Variants in DLG2 observed in about 807,000 individuals in gnomAD.
DLG2 encodes disks large homolog 2.
In DLG2, 45 loss-of-function variants were observed where a neutral mutation model predicts 132.5. The ratio of observed to expected loss-of-function variants is 0.34; its 90% CI spans 0.27 to 0.44. The LOEUF (loss-of-function observed/expected upper bound fraction) is 0.44. Ranked by LOEUF, DLG2 falls within the 20% of genes least tolerant of loss-of-function variation. The pLI is 1.00. For synonymous variants in DLG2, 424 were observed against 419.6 expected, an observed-to-expected ratio of 1.01 and a Z score of -0.13; for missense variants, 1,045 against 1,196.9, an observed-to-expected ratio of 0.87 and a Z score of 1.87.
At chr11:84,944,356 A>G (rs375120700) in intron 6 of DLG2, among the ~76,000 whole-genome samples, 21 of 152,196 alleles carry the variant, frequency 1.4e-4, no homozygotes, top group African/African-American at 5.1e-4. Context: ...TTTAAGACCA[A>G]TAACTCTTAG....
intron 18 of DLG2, among the ~76,000 whole-genome samples, chr11:83,785,355 A>G (rs549715488): frequency 9.3e-4 from 142 of 152,272 alleles, no homozygotes; most frequent in African/African-American, 3.2e-3. Flanking sequence ...CACACGGCCT[A>G]TGATGGATAA....
chr11:83,758,397 C>T (rs931767740), intron 18 of DLG2, among the ~76,000 whole-genome samples: 1 of 152,166 alleles, frequency 6.6e-6, no homozygotes, highest in Admixed American at 6.5e-5. Flanking sequence ...TTTAGCTTAC[C>T]AGCCATGTTC....
intron 6 of DLG2, among the ~76,000 whole-genome samples, chr11:84,910,502 T>TAG (rs1200679342): frequency 1.3e-5 from 2 of 152,214 alleles, no homozygotes; most frequent in Non-Finnish European, 2.9e-5. Context: ...TATTACCCAT[T>TAG]ACAGACAGAC....
At chr11:84,752,692 A>T (rs899661458) in intron 6 of DLG2, among the ~76,000 whole-genome samples, 1 of 143,388 alleles carries the variant, frequency 7.0e-6, no homozygotes, top group African/African-American at 2.6e-5. Flanking sequence ...AGCATTAGGT[A>T]TATCTCCCAA....
intron 7 of DLG2, among the ~76,000 whole-genome samples, chr11:84,408,682 C>T (rs1298435935): frequency 1.3e-5 from 2 of 152,184 alleles, no homozygotes; most frequent in Admixed American, 1.3e-4. Flanking sequence ...TGGAAGCAAG[C>T]ACATCTGTGA....
intron 20 of DLG2, among the ~76,000 whole-genome samples, 171 bp from the exon 21 acceptor site, chr11:83,532,954 A>C (rs528695221): frequency 6.6e-4 from 101 of 152,302 alleles, no homozygotes; most frequent in African/African-American, 2.3e-3. Flanking sequence ...AAAGTCTCTA[A>C]GTTTCTAACA....
chr11:83,621,313 C>G (rs1340962235), intron 19 of DLG2, among the ~76,000 whole-genome samples: 1 of 151,762 alleles, frequency 6.6e-6, no homozygotes, highest in African/African-American at 2.4e-5. Context: ...ATTTACAAAT[C>G]TTGCACCCTC....
chr11:85,005,277 G>A (rs2154132555), intron 6 of DLG2, among the ~76,000 whole-genome samples: 1 of 152,270 alleles, frequency 6.6e-6, no homozygotes, highest in Admixed American at 6.5e-5. Context: ...GTCGGTGATA[G>A]CTTGATGGGG....
chr11:84,829,354 A>G (rs916011529), intron 6 of DLG2, among the ~76,000 whole-genome samples: 5 of 151,704 alleles, frequency 3.3e-5, no homozygotes, highest in African/African-American at 1.2e-4. Flanking sequence ...CACAGCCACC[A>G]TAGGGGCTGT....
chr11:85,130,175 T>G (rs2075557084), intron 5 of DLG2, among the ~76,000 whole-genome samples: 1 of 152,220 alleles, frequency 6.6e-6, no homozygotes, highest in Admixed American at 6.5e-5. Context: ...CTACACATTC[T>G]GCACATGTAT....
intron 10 of DLG2, among the ~76,000 whole-genome samples, chr11:84,080,803 C>T (rs1362574380): frequency 6.6e-6 from 1 of 151,916 alleles, no homozygotes; most frequent in Non-Finnish European, 1.5e-5. Flanking sequence ...ACCAGCCTGG[C>T]CAACAAGGTG....
At chr11:85,413,091 TA>T (rs2089493716) in intron 3 of DLG2, among the ~76,000 whole-genome samples, 1 of 151,872 alleles carries the variant, frequency 6.6e-6, no homozygotes, top group African/African-American at 2.4e-5. Flanking sequence ...TTTGATTTTT[TA>T]TTGTGGCCAT....
intron 16 of DLG2, among the ~76,000 whole-genome samples, chr11:83,862,552 T>G (rs78774431): frequency 0.066 from 10,084 of 152,180 alleles, 442 homozygotes; most frequent in Admixed American, 0.11. Context: ...ACAGGTTGAT[T>G]ATGGTAAACA....
At chr11:84,992,099 T>C (rs532470847) in intron 6 of DLG2, among the ~76,000 whole-genome samples, 61 of 152,308 alleles carry the variant, frequency 4.0e-4, no homozygotes, top group African/African-American at 1.1e-3. Flanking sequence ...TCTCCTTCAT[T>C]CATCCCTCCT....
rs138977700 is a variant in DLG2 at position 85,505,307 on chromosome 11, A to G, written c.40+93350T>C. On this transcript the variant is annotated intron_variant, in intron 3 of 27. Transcript: ENST00000376104. ...CATCCCTGTCTTGCACCAGTTTTCA[A>G]AGAGAATGCTTCCAGTTTTTGCCCA... 6.3e-4 allele frequency among the ~76,000 whole-genome samples: 96 copies of G among 152,306 alleles called. 1 individual carries two copies. In the East Asian group the frequency reaches 0.017, roughly 27 times the overall value.
intron 3 of DLG2, among the ~76,000 whole-genome samples, chr11:85,418,931 A>C (rs184404832): frequency 1.6e-4 from 25 of 152,230 alleles, no homozygotes; most frequent in Non-Finnish European, 3.2e-4. Flanking sequence ...GCCCATTTAC[A>C]TTTAAGGTTA....
chr11:85,444,261 A>G (rs2091911465), intron 3 of DLG2, among the ~76,000 whole-genome samples: 1 of 152,212 alleles, frequency 6.6e-6, no homozygotes, highest in South Asian at 2.1e-4. Context: ...GGAAAAACGT[A>G]TACTGAAATG....
At chr11:83,607,033 G>T (rs974253768) in intron 19 of DLG2, among the ~76,000 whole-genome samples, 1 of 152,248 alleles carries the variant, frequency 6.6e-6, no homozygotes, top group Non-Finnish European at 1.5e-5. Context: ...GAGACACAGC[G>T]GGCTCAGAGA....
chr11:85,624,076 T>C (rs1029875501), intron 2 of DLG2, among the ~76,000 whole-genome samples: 1 of 152,092 alleles, frequency 6.6e-6, no homozygotes, highest in Non-Finnish European at 1.5e-5. Context: ...AAAAAAACCT[T>C]CTATGAGGAA....
Sources: gnomAD v4.1 joint callset for allele counts (sites outside exome capture counted in the v4.1 genomes callset) on GRCh38, gnomAD v4.1.1 for gene constraint, MANE v1.5 for transcripts, NCBI Gene and HGNC (gene_info 2026-07-23, HGNC 2026-07-21) for gene names.